Variants in NTM observed in about 807,000 individuals in gnomAD.
The protein encoded by NTM is neurotrimin.
Under a neutral mutation model 42.1 loss-of-function variants are expected in NTM, and 13 were observed. The observed-to-expected ratio is 0.31, with a 90% CI of 0.20 to 0.49. The LOEUF (loss-of-function observed/expected upper bound fraction) is 0.49, where lower values mean the gene tolerates loss of function less well. NTM is among the 20% of genes least tolerant of loss of function. The pLI, the probability that NTM is intolerant of heterozygous loss-of-function variation, is 0.99. For missense variants in NTM, 373 were observed against 452.8 expected (o/e 0.82, Z 1.60); for synonymous variants, 187 against 179.2 (o/e 1.04, Z -0.35).
At chr11:131,941,204 T>C (rs1565786901) in intron 2 of NTM, among the ~76,000 whole-genome samples, 1 of 152,232 alleles carries the variant, frequency 6.6e-6, no homozygotes, top group East Asian at 1.9e-4. Context: ...TTTTTCAATA[T>C]TGTGTTTGTG....
intron 1 of NTM, among the ~76,000 whole-genome samples, chr11:131,709,290 G>A (rs955266387): frequency 6.6e-6 from 1 of 152,174 alleles, no homozygotes; most frequent in African/African-American, 2.4e-5. Flanking sequence ...CTGAGCAGAA[G>A]AATGACACGA....
intron 1 of NTM, among the ~76,000 whole-genome samples, chr11:131,456,913 T>A (rs76195561): frequency 0.016 from 2,506 of 152,306 alleles, 65 homozygotes; most frequent in African/African-American, 0.057. Flanking sequence ...ACTCTTGAAA[T>A]GTCTCCTCAG....
chr11:131,458,188 G>T (rs1310281797), intron 1 of NTM, among the ~76,000 whole-genome samples: 2 of 152,202 alleles, frequency 1.3e-5, no homozygotes, highest in Non-Finnish European at 2.9e-5. Context: ...AAAGAAGAGA[G>T]TGGGTTCTTG....
chr11:131,478,274 T>C (rs1013586015), intron 1 of NTM, among the ~76,000 whole-genome samples: 2 of 152,196 alleles, frequency 1.3e-5, no homozygotes, highest in African/African-American at 2.4e-5. Flanking sequence ...ACTGCCTTGA[T>C]TAATTTGCCT....
At chr11:131,598,433 T>C (rs1474052360) in intron 1 of NTM, among the ~76,000 whole-genome samples, 1 of 152,236 alleles carries the variant, frequency 6.6e-6, no homozygotes, top group Non-Finnish European at 1.5e-5. Context: ...CCTTGTTATG[T>C]AGATTCTGTT....
chr11:132,193,102 A>T (rs748836083), intron 3 of NTM, among the ~76,000 whole-genome samples: 1 of 152,220 alleles, frequency 6.6e-6, no homozygotes, highest in Non-Finnish European at 1.5e-5. Context: ...ATTGAGGCAG[A>T]TATCTAACAA....
intron 1 of NTM, among the ~76,000 whole-genome samples, chr11:131,885,392 G>C (rs2050219711): frequency 6.6e-6 from 1 of 152,186 alleles, no homozygotes; most frequent in Admixed American, 6.5e-5. Flanking sequence ...GGGCAGGTGG[G>C]GGCCCCGTGG....
In NTM at chr11:132,159,335, T is replaced by C. The variant is rs76810590; in HGVS notation, c.400+12821T>C. 1.6e-4 allele frequency among the ~76,000 whole-genome samples: 25 copies of C among 152,312 alleles called. No homozygotes were observed. In the East Asian group the frequency reaches 3.3e-3, roughly 20 times the overall value. On this transcript the variant is annotated intron_variant, in intron 3 of 8. Coordinates refer to ENST00000683400, the MANE Select transcript of NTM (RefSeq NM_001352005.2). ...TCCTAAGAGACGCGTTTATTCTCCA[T>C]GTGTGGTTGCTAAGGGAGTAAGTCA... is the stretch of plus-strand genomic sequence containing the variant.
intron 2 of NTM, among the ~76,000 whole-genome samples, chr11:131,985,283 G>A (rs963204341): frequency 2.6e-5 from 4 of 152,158 alleles, no homozygotes; most frequent in Non-Finnish European, 5.9e-5. Flanking sequence ...TTCACAACAA[G>A]GGTCTACAGA....
chr11:131,596,530 C>G (rs2137343144), intron 1 of NTM, among the ~76,000 whole-genome samples: 1 of 152,364 alleles, frequency 6.6e-6, no homozygotes, highest in East Asian at 1.9e-4. Flanking sequence ...TCCTCCTCTG[C>G]CGACCTCCTC....
chr11:131,465,740 G>T (rs534078594), intron 1 of NTM, among the ~76,000 whole-genome samples: 1 of 152,214 alleles, frequency 6.6e-6, no homozygotes, highest in Non-Finnish European at 1.5e-5. Flanking sequence ...CAGACAGACA[G>T]GACTAGATAC....
intron 4 of NTM, among the ~76,000 whole-genome samples, chr11:132,268,524 C>T (rs2093321216): frequency 6.6e-6 from 1 of 151,866 alleles, no homozygotes; most frequent in Non-Finnish European, 1.5e-5. Flanking sequence ...AAGAAGCTGC[C>T]CATATGTTTA....
intron 3 of NTM, among the ~76,000 whole-genome samples, chr11:132,157,858 T>A (rs2137546098): frequency 6.6e-6 from 1 of 152,246 alleles, no homozygotes; most frequent in African/African-American, 2.4e-5. Flanking sequence ...CTGCAGTCCG[T>A]CTTCACTGTT....
intron 1 of NTM, among the ~76,000 whole-genome samples, chr11:131,615,277 T>C (rs1272543720): frequency 6.6e-6 from 1 of 152,160 alleles, no homozygotes; most frequent in Non-Finnish European, 1.5e-5. Flanking sequence ...GATGTCACAG[T>C]ATCTGCATCA....
intron 1 of NTM, among the ~76,000 whole-genome samples, chr11:131,499,763 A>G (rs1429194074): frequency 6.6e-6 from 1 of 152,204 alleles, no homozygotes; most frequent in Non-Finnish European, 1.5e-5. Context: ...GAGCAAAAAA[A>G]TCCCCTGAGC....
At chr11:131,675,196 C>T (rs1026859845) in intron 1 of NTM, among the ~76,000 whole-genome samples, 1 of 152,168 alleles carries the variant, frequency 6.6e-6, no homozygotes, top group African/African-American at 2.4e-5. Flanking sequence ...TTTAGCAAGA[C>T]AGCAATTTCG....
intron 1 of NTM, among the ~76,000 whole-genome samples, chr11:131,902,128 C>A (rs909453895): frequency 6.6e-6 from 1 of 152,136 alleles, no homozygotes. Context: ...CACAAGCATA[C>A]AGAAATGCAT....
intron 1 of NTM, among the ~76,000 whole-genome samples, chr11:131,667,165 C>A (rs556319867): frequency 1.3e-5 from 2 of 152,276 alleles, no homozygotes; most frequent in South Asian, 2.1e-4. Context: ...TTAAAAGCTT[C>A]TTTTTCCCTT....
intron 2 of NTM, among the ~76,000 whole-genome samples, chr11:131,966,883 C>A (rs1458756778): frequency 6.6e-6 from 1 of 152,144 alleles, no homozygotes; most frequent in East Asian, 1.9e-4. Flanking sequence ...TGTTGTCACT[C>A]ACAGATGGTG....
Sources: allele counts gnomAD v4.1 joint callset (sites outside exome capture counted in the v4.1 genomes callset), GRCh38; gene constraint gnomAD v4.1.1; transcripts MANE v1.5; gene names NCBI Gene and HGNC (gene_info 2026-07-23, HGNC 2026-07-21).